Variants in TTC19 observed in about 807,000 individuals in gnomAD.
TTC19 encodes tetratricopeptide repeat domain 19.
In TTC19, 38 loss-of-function variants were observed where a neutral mutation model predicts 49.5. The ratio of observed to expected loss-of-function variants is 0.77; its 90% confidence interval spans 0.59 to 1.01. The LOEUF (loss-of-function observed/expected upper bound fraction) is 1.01. TTC19 is among the 50% of genes least tolerant of loss of function. The pLI, the probability that TTC19 is intolerant of heterozygous loss-of-function variation, is 0.00. For synonymous variants in TTC19, 204 were observed against 185.2 expected (o/e 1.10, Z -0.83); for missense variants, 475 against 477.7 (o/e 0.99, Z 0.05).
chr17:16,021,632 A>AG (rs1971388123), intron 7 of TTC19, among the ~76,000 whole-genome samples: 1 of 152,102 alleles, frequency 6.6e-6, no homozygotes, highest in Non-Finnish European at 1.5e-5. Context: ...GCTATTTGTG[A>AG]GGGAAAAAAA....
chr17:16,004,149 C>A, intron 5 of TTC19, 52 bp from the exon 6 acceptor site: 2 of 1,540,500 alleles, frequency 1.3e-6, no homozygotes, highest in Non-Finnish European at 1.8e-6. Context: ...CTGAAATATG[C>A]CATGAAAAAA....
At position 16,006,484 on chromosome 17, in the gene TTC19, G is replaced by C; in HGVS notation, c.592G>C (p.Ala198Pro). The C allele has an allele frequency of 6.2e-7, 1 of 1,610,140 alleles. No homozygotes were observed. Among genetic ancestry groups the C allele is most frequent in the Non-Finnish European group, 8.5e-7 (1 of 1,176,698 alleles). Residue 198 changes from alanine (A) to proline (P), a missense_variant, in exon 7 of 10, where the codon GCT (alanine) becomes CCT (proline). Transcript: ENST00000261647. ...IYAAQNRQEF[A>P]VAGYEFCIST... ...GATTTTGCTTTACAGACAGGAATTT[G>C]CTGTTGCTGGCTATGAATTCTGCAT... is the stretch of plus-strand genomic sequence containing the variant.
Position 16,028,225 on chromosome 17 carries a change from G to A in TTC19, c.*703G>A, listed in dbSNP as rs1175383591. On this transcript the variant is annotated 3_prime_UTR_variant, in exon 10 of 10. Coordinates refer to ENST00000261647, the MANE Select transcript of TTC19 (RefSeq NM_017775.4). ...AAGAATGATGTAACCTTTTGTCTGT[G>A]TTATCTGAACACTCTACTTCCTTTG... 1 of 454,072 alleles carries A rather than the reference G, an allele frequency of 2.2e-6. No individual in the cohort carries two copies. Among genetic ancestry groups the A allele is most frequent in the African/African-American group, 2.0e-5 (1 of 50,112 alleles). 28.1% of individuals were successfully genotyped at this position (454,072 alleles called of 1,614,324 possible). A position where few individuals can be genotyped will look rare whatever the true frequency, so the allele number is the denominator to read the frequency against.
intron 4 of TTC19, 33 bp from the exon 5 acceptor site, chr17:16,003,798 A>G (rs1465227728): frequency 2.5e-6 from 4 of 1,597,058 alleles, no homozygotes; most frequent in Non-Finnish European, 3.4e-6. Flanking sequence ...ATGGGGCCCA[A>G]TTAAAAGAAA....
At chr17:16,000,557 G>A in intron 2 of TTC19, 1 of 532,708 alleles carries the variant, frequency 1.9e-6, no homozygotes, top group Non-Finnish European at 2.7e-6. Context: ...CAGCCTATCT[G>A]AAATGACATA....
At chr17:16,044,988 G>A in exon 3 of TTC19, 1 of 480,392 alleles carries the variant, frequency 2.1e-6, no homozygotes, top group Non-Finnish European at 3.8e-6. Flanking sequence ...TCAATACAAA[G>A]CTGAACTTAA....
downstream of TTC19, chr17:16,031,649 ATTTGTTACTTTTACCT>A (rs1401974784): frequency 4.4e-5 from 10 of 227,046 alleles, no homozygotes; most frequent in Non-Finnish European, 6.1e-5. Flanking sequence ...ATATGGCAGA[ATTTGTTACTTTTACCT>A]TTTGACCCTA....
In TTC19 at chr17:16,028,007, A is replaced by G; in HGVS notation, c.*485A>G. ...AATTGTTGTTCTTATAGTCTGTTTC[A>G]TGAAGCACAAGTGGAATTTAATACA... is the stretch of plus-strand genomic sequence containing the variant. On this transcript the variant is annotated 3_prime_UTR_variant, in exon 10 of 10. Coordinates refer to ENST00000261647, the MANE Select transcript of TTC19 (RefSeq NM_017775.4). 2.2e-6 allele frequency: 1 copy of G among 454,192 alleles called. No homozygotes were observed. Among genetic ancestry groups the G allele is most frequent in the South Asian group, 1.6e-5 (1 of 64,484 alleles). The allele number at this position is 454,192 out of a possible 1,614,324, so 28.1% of individuals were successfully genotyped here. A position where few individuals can be genotyped will look rare whatever the true frequency, so the allele number is the denominator to read the frequency against.
At chr17:16,014,434 T>C (rs1437524021) in intron 7 of TTC19, among the ~76,000 whole-genome samples, 1 of 152,276 alleles carries the variant, frequency 6.6e-6, no homozygotes, top group Non-Finnish European at 1.5e-5. Context: ...CTATAGCTCC[T>C]GCTTATAGTT....
At position 16,027,559 on chromosome 17, in the gene TTC19, G is replaced by A; in HGVS notation, c.*37G>A. 6.2e-7 allele frequency: 1 copy of A among 1,609,842 alleles called. No homozygotes were observed. Among genetic ancestry groups the A allele is most frequent in the South Asian group, 1.1e-5 (1 of 90,896 alleles). On this transcript the variant is annotated 3_prime_UTR_variant, in exon 10 of 10. Coordinates refer to ENST00000261647, the MANE Select transcript of TTC19 (RefSeq NM_017775.4). ...TGTAGGGAGAATAATGTCTAGTAAT[G>A]TGGAAGAATAGCTATCATTCCTGTC...
intron 7 of TTC19, among the ~76,000 whole-genome samples, chr17:16,011,455 G>C (rs921698381): frequency 1.3e-5 from 2 of 152,268 alleles, no homozygotes; most frequent in African/African-American, 4.8e-5. Flanking sequence ...TTACAGGCGT[G>C]AGCCACCGCG....
rs117255702 is a variant in TTC19, at chr17:16,028,691, G to A, written c.*1169G>A. 299 of 453,744 alleles carry A rather than the reference G, an allele frequency of 6.6e-4. 1 individual carries two copies. In the East Asian group the frequency reaches 0.013, roughly 20 times the overall value. The allele number at this position is 453,744 out of a possible 1,614,324, so 28.1% of individuals were successfully genotyped here. A position where few individuals can be genotyped will look rare whatever the true frequency, so the allele number is the denominator to read the frequency against. On this transcript the variant is annotated 3_prime_UTR_variant, in exon 10 of 10. Coordinates refer to ENST00000261647, the MANE Select transcript of TTC19 (RefSeq NM_017775.4). The stretch of plus-strand genomic sequence containing the variant: ...AGATTGACCCTGTTGGTATGCCTGT[G>A]GGGGTGGGATGTGAGTGGGACTGAT...
At position 16,000,001 on chromosome 17, in the gene TTC19, C is replaced by T; in HGVS notation, c.153C>T (p.Gly51=). The T allele has an allele frequency of 8.0e-7, 1 of 1,256,494 alleles. No individual in the cohort carries two copies. Among genetic ancestry groups the T allele is most frequent in the Non-Finnish European group, 1.0e-6 (1 of 1,003,340 alleles). 77.8% of individuals were successfully genotyped at this position (1,256,494 alleles called of 1,614,324 possible). A position where few individuals can be genotyped will look rare whatever the true frequency, so the allele number is the denominator to read the frequency against. Residue 51 remains glycine (G), a synonymous_variant, in exon 1 of 10, where the codon GGC becomes GGT. Coordinates refer to ENST00000261647, the MANE Select transcript of TTC19 (RefSeq NM_017775.4). ...CGCCATCCCGAGTCGCGCCGCACGG[C>T]CGGGGCCCAGGCCTGCTGCCGCTGC... The part of the protein sequence containing the change: ...QVPPSRVAPH[G]RGPGLLPLLA...
chr17:16,035,703 G>A (rs940572935), intron 2 of TTC19, among the ~76,000 whole-genome samples: 1 of 151,506 alleles, frequency 6.6e-6, no homozygotes, highest in Admixed American at 6.6e-5. Flanking sequence ...CACCACACCC[G>A]GCTACTTTTT....
chr17:16,017,327 T>C (rs1971243503), intron 7 of TTC19, among the ~76,000 whole-genome samples: 1 of 151,210 alleles, frequency 6.6e-6, no homozygotes, highest in African/African-American at 2.4e-5. Context: ...CGGGTGCCTA[T>C]AGTCCCAGCT....
chr17:16,027,703 G>GT lies in TTC19; in HGVS notation c.*181_*182insT. ...CATTTTTGTATTTTAAAGGAAAAAT[G>GT]ACTTTCATTCCCAACTGATTATGAC... On this transcript the variant is annotated 3_prime_UTR_variant, in exon 10 of 10. Coordinates refer to ENST00000261647, the MANE Select transcript of TTC19 (RefSeq NM_017775.4). 1 of 727,080 alleles carries GT rather than the reference G, an allele frequency of 1.4e-6. No individual in the cohort carries two copies. Among genetic ancestry groups the GT allele is most frequent in the Non-Finnish European group, 2.4e-6 (1 of 416,796 alleles). 45.0% of individuals were successfully genotyped at this position (727,080 alleles called of 1,614,324 possible).
At position 16,028,273 on chromosome 17, in the gene TTC19, T is replaced by A; in HGVS notation, c.*751T>A. The A allele has an allele frequency of 2.2e-6, 1 of 454,074 alleles. No individual in the cohort carries two copies. Among genetic ancestry groups the A allele is most frequent in the African/African-American group, 2.0e-5 (1 of 50,098 alleles). 28.1% of individuals were successfully genotyped at this position (454,074 alleles called of 1,614,324 possible). On this transcript the variant is annotated 3_prime_UTR_variant, in exon 10 of 10. Coordinates refer to ENST00000261647, the MANE Select transcript of TTC19 (RefSeq NM_017775.4). ...TTGCAGCCTTAGTCACACAACTGAG[T>A]CATCTCAAGTACTCTTTAAGGACAC...
chr17:16,034,938 ACTC>A, intron 2 of TTC19: 1 of 1,612,998 alleles, frequency 6.2e-7, no homozygotes, highest in Non-Finnish European at 8.5e-7. Context: ...TGGTTTGCAA[ACTC>A]CTCCTGAAAG....
chr17:16,026,859 G>T (rs1238895819), intron 9 of TTC19, 157 bp downstream of exon 9: 3 of 797,354 alleles, frequency 3.8e-6, no homozygotes, highest in African/African-American at 3.4e-5. Flanking sequence ...TATTGATTAG[G>T]TTGAAGTACT....
Sources: allele counts gnomAD v4.1 joint callset (sites outside exome capture counted in the v4.1 genomes callset), GRCh38; gene constraint gnomAD v4.1.1; transcripts MANE v1.5; gene names NCBI Gene and HGNC (gene_info 2026-07-23, HGNC 2026-07-21).